The following PRKN variants were observed in gnomAD, a reference collection of about 807,000 sequenced individuals.
PRKN encodes the protein E3 ubiquitin-protein ligase parkin.
A neutral mutation model predicts 59.5 loss-of-function variants in PRKN; 56 were observed. The ratio of observed to expected loss-of-function variants is 0.94; its 90% CI spans 0.76 to 1.18. The LOEUF is 1.18. Ranked by LOEUF, PRKN falls within the 50% of genes most tolerant of loss-of-function variation. PRKN has a pLI of 0.00. For missense variants in PRKN, 657 were observed against 596.4 expected, an observed-to-expected ratio of 1.10 and a Z score of -1.06; for synonymous variants, 250 against 222.1, an observed-to-expected ratio of 1.13 and a Z score of -1.12.
chr6:162,024,489 G>A (rs542737047), intron 5 of PRKN, among the ~76,000 whole-genome samples: 20 of 152,116 alleles, frequency 1.3e-4, no homozygotes, highest in South Asian at 6.2e-4. Flanking sequence ...GAGCCACAGC[G>A]CCCAGCCCAC....
At chr6:162,462,115 C>A (rs185659899) in intron 1 of PRKN, among the ~76,000 whole-genome samples, 1 of 152,142 alleles carries the variant, frequency 6.6e-6, no homozygotes, top group Non-Finnish European at 1.5e-5. Context: ...AACTCTGGAG[C>A]TGTCCCATGA....
At chr6:162,235,752 G>A (rs1241516892) in intron 3 of PRKN, among the ~76,000 whole-genome samples, 3 of 151,544 alleles carry the variant, frequency 2.0e-5, no homozygotes, top group Non-Finnish European at 2.9e-5. Flanking sequence ...GCAGGGAGCC[G>A]AGATTGCACC....
chr6:162,656,929 T>C (rs997689601), intron 1 of PRKN, among the ~76,000 whole-genome samples: 1 of 152,206 alleles, frequency 6.6e-6, no homozygotes, highest in Admixed American at 6.5e-5. Flanking sequence ...AGCTTTCCTC[T>C]TCTCTCTGCT....
intron 7 of PRKN, among the ~76,000 whole-genome samples, chr6:161,605,615 G>A (rs1297145182): frequency 2.6e-5 from 4 of 151,392 alleles, no homozygotes; most frequent in East Asian, 2.0e-4. Context: ...AGGTTCAAGC[G>A]ATTCTCCTGC....
intron 5 of PRKN, among the ~76,000 whole-genome samples, chr6:161,980,491 T>C (rs1016698290): frequency 6.6e-6 from 1 of 152,140 alleles, no homozygotes; most frequent in Non-Finnish European, 1.5e-5. Context: ...AGATTAGTTA[T>C]AGAGGAGTGG....
At position 161,467,368 on chromosome 6, in the gene PRKN, G is replaced by A. The variant is rs1790529009; in HGVS notation, c.1084-80491C>T. On this transcript the variant is annotated intron_variant, in intron 9 of 11. Transcript: ENST00000366898. This position sits in a 1 kb window ranked among gnomAD's most constrained non-coding sequence, Gnocchi z 4.3. ...AATACGAACACGATTCTAGCCCTATGGAGTATATACGTTATTAACTGATAA... is the reference window on the plus strand; with the variant it reads ...AATACGAACACGATTCTAGCCCTATAGAGTATATACGTTATTAACTGATAA... 6.6e-6 allele frequency among the ~76,000 whole-genome samples: 1 copy of A among 152,132 alleles called. No individual in the cohort carries two copies. Among genetic ancestry groups the A allele is most frequent in the Non-Finnish European group, 1.5e-5 (1 of 68,028 alleles).
chr6:162,337,898 A>C (rs1464839550), intron 2 of PRKN, among the ~76,000 whole-genome samples: 1 of 152,148 alleles, frequency 6.6e-6, no homozygotes, highest in Non-Finnish European at 1.5e-5. Flanking sequence ...ACTACTTCTA[A>C]TAGCAAAATA....
At chr6:162,088,543 T>C (rs1779348086) in intron 4 of PRKN, among the ~76,000 whole-genome samples, 1 of 152,126 alleles carries the variant, frequency 6.6e-6, no homozygotes, top group African/African-American at 2.4e-5. Flanking sequence ...GTTTAGGAAA[T>C]GAACAAAGAG....
rs777249652 is a variant in PRKN at position 161,432,424 on chromosome 6, G to T, written c.1084-45547C>A. 3.6e-5 allele frequency among the ~76,000 whole-genome samples: 5 copies of T among 140,736 alleles called. No individual in the cohort carries two copies. The South Asian group carries it at 1.1e-3, about 31-fold the overall frequency. The allele number at this position is 140,736 out of a possible 152,430, so 92.3% of individuals were successfully genotyped here. A position where few individuals can be genotyped will look rare whatever the true frequency, so the allele number is the denominator to read the frequency against. ...GTCATCCAGGCTGGAGTTTAATGGC[G>T]CCATCTTGGCTCACTGCAACCTCTG... is the stretch of plus-strand genomic sequence containing the variant. On this transcript the variant is annotated intron_variant, in intron 9 of 11. Coordinates refer to ENST00000366898, the MANE Select transcript of PRKN (RefSeq NM_004562.3).
At position 161,347,613 on chromosome 6, in the gene PRKN, GTTTTTGTTTTTT is replaced by G. The variant is rs1338614117; in HGVS notation, c.*2474_*2485del. 7 of 119,274 alleles carry G rather than the reference GTTTTTGTTTTTT, an allele frequency of 5.9e-5. No homozygotes were observed. The highest frequency in any genetic ancestry group is 5.6e-4 in the Admixed American group (7 of 12,506). 7.4% of individuals were successfully genotyped at this position (119,274 alleles called of 1,614,324 possible). On this transcript the variant is annotated 3_prime_UTR_variant, in exon 12 of 12. Coordinates refer to ENST00000366898, the MANE Select transcript of PRKN (RefSeq NM_004562.3). The stretch of plus-strand genomic sequence containing the variant: ...GTGTAGTGGATGATCTTGCTTTTTT[GTTTTTGTTTTTT>G]TTTTTTTTTTGAGACAGAGTCTCAC...
chr6:161,988,473 G>A (rs1402863390), intron 5 of PRKN, among the ~76,000 whole-genome samples: 1 of 151,798 alleles, frequency 6.6e-6, no homozygotes, highest in Non-Finnish European at 1.5e-5. Context: ...GCAACACGGC[G>A]AGACTCCGTC....
At chr6:162,309,466 C>G (rs1040604880) in intron 2 of PRKN, among the ~76,000 whole-genome samples, 2 of 152,304 alleles carry the variant, frequency 1.3e-5, no homozygotes, top group South Asian at 2.1e-4. Flanking sequence ...AATCACAACT[C>G]TATCCAGAAG....
intron 5 of PRKN, among the ~76,000 whole-genome samples, chr6:162,008,480 T>C (rs952600898): frequency 1.4e-4 from 21 of 152,242 alleles, no homozygotes; most frequent in African/African-American, 4.8e-4. Context: ...AAGAGAACAG[T>C]GTATCGAAAT....
rs186190992 is a variant in PRKN at position 162,641,313 on chromosome 6, C to T, written c.7+86349G>A. On this transcript the variant is annotated intron_variant, in intron 1 of 11. Transcript: ENST00000366898. The stretch of plus-strand genomic sequence containing the variant: ...ATCTTTATGAGGCCCCCTCAAAACA[C>T]AAAGATAGCATTAGATGTAAAAGAC... 2.0e-3 allele frequency among the ~76,000 whole-genome samples: 297 copies of T among 151,746 alleles called. 2 individuals carry two copies. Among genetic ancestry groups the T allele is most frequent in the African/African-American group, 7.0e-3 (291 of 41,370 alleles).
chr6:161,679,678 C>CT (rs1456606793), intron 7 of PRKN, among the ~76,000 whole-genome samples: 1 of 137,554 alleles, frequency 7.3e-6, no homozygotes, highest in East Asian at 2.2e-4. Context: ...AGAACCACCC[C>CT]CCCCCCTTTT....
intron 1 of PRKN, among the ~76,000 whole-genome samples, chr6:162,587,753 A>G (rs546394560): frequency 2.0e-5 from 3 of 152,222 alleles, no homozygotes; most frequent in South Asian, 4.1e-4. Flanking sequence ...ATCAAAATAA[A>G]CCTCCTTGAT....
At chr6:161,676,945 A>G (rs559905453) in intron 7 of PRKN, among the ~76,000 whole-genome samples, 1 of 152,358 alleles carries the variant, frequency 6.6e-6, no homozygotes, top group Non-Finnish European at 1.5e-5. Context: ...ATGATGCTAG[A>G]GTAATCTGCG....
intron 9 of PRKN, among the ~76,000 whole-genome samples, chr6:161,541,600 C>A (rs985404508): frequency 4.6e-5 from 7 of 152,130 alleles, no homozygotes; most frequent in African/African-American, 1.7e-4. Context: ...GAGGGTGGAT[C>A]GCCTGAGGTC....
At chr6:161,411,044 A>G (rs746007069) in intron 9 of PRKN, among the ~76,000 whole-genome samples, 1 of 152,128 alleles carries the variant, frequency 6.6e-6, no homozygotes, top group Non-Finnish European at 1.5e-5. Flanking sequence ...ACCTAATATT[A>G]TCAGCGGTGA....
Sources: gnomAD v4.1 joint callset for allele counts (sites outside exome capture counted in the v4.1 genomes callset) on GRCh38, gnomAD v4.1.1 for gene constraint, Gnocchi (gnomAD v3.1) non-coding constraint, MANE v1.5 for transcripts, NCBI Gene and HGNC (gene_info 2026-07-23, HGNC 2026-07-21) for gene names.